The following CISD2 variants were observed in gnomAD, a reference collection of about 807,000 sequenced individuals.
The protein encoded by CISD2 is CDGSH iron sulfur domain 2.
A neutral mutation model predicts 12.9 loss-of-function variants in CISD2; 1 was observed. That is an observed-to-expected ratio of 0.08 (90% CI 0.03 to 0.37). The LOEUF (loss-of-function observed/expected upper bound fraction) is 0.37. Ranked by LOEUF, CISD2 falls within the 10% of genes least tolerant of loss-of-function variation. CISD2 has a pLI of 0.99. For missense variants in CISD2, 97 were observed against 163.1 expected (o/e 0.59, Z 2.21); for synonymous variants, 50 against 60.6 (o/e 0.83, Z 0.81).
At position 102,892,493 on chromosome 4, in the gene CISD2, T is replaced by C. The variant is rs1035466651; in HGVS notation, c.*5063T>C. On this transcript the variant is annotated 3_prime_UTR_variant, in exon 3 of 3. Transcript: ENST00000273986. ...ATATTAGTTATGGTCTTGAAGGACA[T>C]TGAAAATCTGTTCAGAAAGACTATG... 1 of 152,216 alleles carries C rather than the reference T, an allele frequency of 6.6e-6. No homozygotes were observed. The highest frequency in any genetic ancestry group is 6.5e-5 in the Admixed American group (1 of 15,274). The allele number at this position is 152,216 out of a possible 1,614,324, so 9.4% of individuals were successfully genotyped here.
At position 102,892,559 on chromosome 4, in the gene CISD2, T is replaced by C. The variant is rs1734302592; in HGVS notation, c.*5129T>C. The C allele has an allele frequency of 6.6e-6, 1 of 152,188 alleles. No homozygotes were observed. Among genetic ancestry groups the C allele is most frequent in the African/African-American group, 2.4e-5 (1 of 41,442 alleles). 9.4% of individuals were successfully genotyped at this position (152,188 alleles called of 1,614,324 possible). On this transcript the variant is annotated 3_prime_UTR_variant, in exon 3 of 3. Transcript: ENST00000273986. Reference sequence around the variant, plus strand: ...TGACATCACTCTAACTTTCCTTTGGTTTAAATGCTTGATTCTTCGCTTACA... The same window carrying C: ...TGACATCACTCTAACTTTCCTTTGGCTTAAATGCTTGATTCTTCGCTTACA...
chr4:102,877,837 C>T (rs942521088), intron 1 of CISD2, among the ~76,000 whole-genome samples: 4 of 152,204 alleles, frequency 2.6e-5, no homozygotes, highest in African/African-American at 9.6e-5. Context: ...GTGGCTTGCT[C>T]CCTCTGAAGC....
chr4:102,869,790 A>T (rs977178465), intron 1 of CISD2, among the ~76,000 whole-genome samples: 4 of 152,126 alleles, frequency 2.6e-5, no homozygotes, highest in African/African-American at 9.7e-5. Context: ...CGGTAACTTA[A>T]GTTGGAAGAA....
In CISD2 at chr4:102,888,005, C is replaced by T. The variant is rs1734022287; in HGVS notation, c.*575C>T. ...GGATACAAAAAGTTCCATTGAGGAA[C>T]AGTTATTTACAGTATAAAAGATTTG... On this transcript the variant is annotated 3_prime_UTR_variant, in exon 3 of 3. Transcript: ENST00000273986. 6.5e-6 allele frequency: 1 copy of T among 153,288 alleles called. No individual in the cohort carries two copies. The highest frequency in any genetic ancestry group is 1.5e-5 in the Non-Finnish European group (1 of 68,934). 9.5% of individuals were successfully genotyped at this position (153,288 alleles called of 1,614,324 possible). A position where few individuals can be genotyped will look rare whatever the true frequency, so the allele number is the denominator to read the frequency against.
intron 1 of CISD2, among the ~76,000 whole-genome samples, chr4:102,872,667 T>C (rs1314152332): frequency 6.6e-6 from 1 of 152,126 alleles, no homozygotes; most frequent in Non-Finnish European, 1.5e-5. Context: ...TGTCATTTTA[T>C]GTCATTTTTA....
chr4:102,880,112 T>G (rs1296499200), intron 1 of CISD2, among the ~76,000 whole-genome samples: 1 of 151,996 alleles, frequency 6.6e-6, no homozygotes, highest in African/African-American at 2.4e-5. Flanking sequence ...CCAGCTAATT[T>G]TCTGTATTTT....
intron 1 of CISD2, among the ~76,000 whole-genome samples, chr4:102,878,117 G>A (rs572147658): frequency 6.6e-5 from 10 of 151,558 alleles, no homozygotes; most frequent in Middle Eastern, 3.4e-3. Flanking sequence ...CCAGAAAATG[G>A]GTTTTTCTTT....
chr4:102,887,819 T>C lies in CISD2; in HGVS notation c.*389T>C. On this transcript the variant is annotated 3_prime_UTR_variant, in exon 3 of 3. Coordinates refer to ENST00000273986, the MANE Select transcript of CISD2 (RefSeq NM_001008388.5). The stretch of plus-strand genomic sequence containing the variant: ...TTTTGGTTTTGATAATCTGAAGTGT[T>C]TTTTTCTCGTTTTGGCCTTCCAAAC... 6.1e-6 allele frequency: 1 copy of C among 163,780 alleles called. No individual in the cohort carries two copies. 10.1% of individuals were successfully genotyped at this position (163,780 alleles called of 1,614,324 possible).
At position 102,888,232 on chromosome 4, in the gene CISD2, G is replaced by A. The variant is rs1433426308; in HGVS notation, c.*802G>A. On this transcript the variant is annotated 3_prime_UTR_variant, in exon 3 of 3. Transcript: ENST00000273986. ...GTTCAGTGTTCAAAATTGTGTTTAT[G>A]TGGATATTTTTCTCTTTTTAACACT... is the stretch of plus-strand genomic sequence containing the variant. 6.6e-6 allele frequency: 1 copy of A among 152,178 alleles called. No homozygotes were observed. Among genetic ancestry groups the A allele is most frequent in the Non-Finnish European group, 1.5e-5 (1 of 68,038 alleles). The allele number at this position is 152,178 out of a possible 1,614,324, so 9.4% of individuals were successfully genotyped here.
Position 102,874,088 on chromosome 4 carries a change from T to C in CISD2, c.103+4901T>C, listed in dbSNP as rs1292535166. On this transcript the variant is annotated intron_variant, in intron 1 of 2. Transcript: ENST00000273986. Reference sequence around the variant, plus strand: ...TCACAGTAAGCTGAGATCGTGCCACTGCACTCCAGCCTGGGCAACAGAGTA... The same window carrying C: ...TCACAGTAAGCTGAGATCGTGCCACCGCACTCCAGCCTGGGCAACAGAGTA... 2.7e-5 allele frequency among the ~76,000 whole-genome samples: 4 copies of C among 149,696 alleles called. No individual in the cohort carries two copies. The East Asian group carries it at 7.9e-4, about 29-fold the overall frequency.
chr4:102,872,912 A>G (rs562152762), intron 1 of CISD2, among the ~76,000 whole-genome samples: 1 of 152,328 alleles, frequency 6.6e-6, no homozygotes, highest in Non-Finnish European at 1.5e-5. Context: ...GGTAATTTAT[A>G]AAGGAAAGAG....
chr4:102,875,428 A>C (rs1011566379), intron 1 of CISD2, among the ~76,000 whole-genome samples: 7 of 152,308 alleles, frequency 4.6e-5, no homozygotes, highest in Admixed American at 2.6e-4. Context: ...TGTGTTTTAT[A>C]ATTTTTGTAT....
In CISD2 at chr4:102,869,053, G is replaced by C; in HGVS notation, c.-32G>C. 1.9e-6 allele frequency: 3 copies of C among 1,589,160 alleles called. No homozygotes were observed. The highest frequency in any genetic ancestry group is 2.3e-5 in the East Asian group (1 of 43,564). On this transcript the variant is annotated 5_prime_UTR_variant, in exon 1 of 3. Transcript: ENST00000273986. ...CGGCAGCTTGGCCAGAGCGGAGGGG[G>C]CTCGGGAGAGGAGTGGACGCCGCTG... is the stretch of plus-strand genomic sequence containing the variant.
intron 1 of CISD2, among the ~76,000 whole-genome samples, chr4:102,884,003 A>C (rs1222955470): frequency 6.6e-6 from 1 of 152,234 alleles, no homozygotes. Flanking sequence ...ATGTTATATC[A>C]AAAATAATTC....
chr4:102,875,475 G>A (rs751313997), intron 1 of CISD2, among the ~76,000 whole-genome samples: 1 of 152,190 alleles, frequency 6.6e-6, no homozygotes, highest in Non-Finnish European at 1.5e-5. Context: ...ACATGTGAGT[G>A]AGGTATTACA....
intron 1 of CISD2, among the ~76,000 whole-genome samples, chr4:102,872,501 C>A (rs1560901289): frequency 1.3e-5 from 2 of 152,076 alleles, no homozygotes. Context: ...TATAAAATAA[C>A]TAGCAACCAA....
intron 1 of CISD2, among the ~76,000 whole-genome samples, chr4:102,870,885 AT>A (rs1443741030): frequency 2.0e-5 from 3 of 152,192 alleles, no homozygotes; most frequent in Non-Finnish European, 4.4e-5. Context: ...AAATGTTTCT[AT>A]TTTTTAAAAT....
In CISD2 at chr4:102,869,220, T is replaced by A. The variant is rs183457008; in HGVS notation, c.103+33T>A. 112 of 1,580,908 alleles carry A rather than the reference T, an allele frequency of 7.1e-5. 2 individuals carry two copies. In the East Asian group the frequency reaches 2.3e-3, roughly 32 times the overall value. On this transcript the variant is annotated intron_variant, in intron 1 of 2. Transcript: ENST00000273986. ...TCCCCCATCAGCCAGTCCCCATCCT[T>A]GCACGTTCGCCAAGCGGGGGAAGGA... is the stretch of plus-strand genomic sequence containing the variant.
At chr4:102,881,336 T>C (rs1021587990) in intron 1 of CISD2, among the ~76,000 whole-genome samples, 6 of 152,194 alleles carry the variant, frequency 3.9e-5, no homozygotes, top group Admixed American at 3.9e-4. Flanking sequence ...ATAGTACGGT[T>C]ATATAGAAAA....
Sources: allele counts gnomAD v4.1 joint callset (sites outside exome capture counted in the v4.1 genomes callset), GRCh38; gene constraint gnomAD v4.1.1; transcripts MANE v1.5; gene names NCBI Gene and HGNC (gene_info 2026-07-23, HGNC 2026-07-21).